Variants in SLC8A1 observed in about 807,000 individuals in gnomAD.
SLC8A1 encodes solute carrier family 8 member A1.
A neutral mutation model predicts 68.3 loss-of-function variants in SLC8A1; 18 were observed. The ratio of observed to expected loss-of-function variants is 0.26; its 90% CI spans 0.18 to 0.39. SLC8A1 has a LOEUF of 0.39. SLC8A1 is among the 10% of genes least tolerant of loss of function. The pLI is 1.00. For missense variants in SLC8A1, 985 were observed against 1,156.7 expected, an observed-to-expected ratio of 0.85 and a Z score of 2.15; for synonymous variants, 475 against 415.5, an observed-to-expected ratio of 1.14 and a Z score of -1.74.
At chr2:40,136,473 T>C (rs1306687101) in intron 7 of SLC8A1, among the ~76,000 whole-genome samples, 1 of 152,186 alleles carries the variant, frequency 6.6e-6, no homozygotes, top group Non-Finnish European at 1.5e-5. Context: ...AAGTTTTCAA[T>C]GTCCGTCTGG....
chr2:40,200,209 T>TATATATATATATTTATATATATATATAA (rs1558721710), intron 2 of SLC8A1, among the ~76,000 whole-genome samples: 3 of 6,580 alleles, frequency 4.6e-4, no homozygotes, highest in Non-Finnish European at 7.9e-4. Flanking sequence ...TATATATAAA[T>TATATATATATATTTATATATATATATAA]ATATATATAT....
At chr2:40,451,381 G>C (rs867539918) in intron 1 of SLC8A1, among the ~76,000 whole-genome samples, 1 of 152,110 alleles carries the variant, frequency 6.6e-6, no homozygotes, top group East Asian at 1.9e-4. Flanking sequence ...TCCGCAGTCC[G>C]TGGTGAATGA....
rs141248787 is a variant in SLC8A1 at position 40,341,977 on chromosome 2, A to G, written c.1808+86496T>C. Among the ~76,000 whole-genome samples the G allele has an allele frequency of 2.1e-3, 319 of 152,290 alleles. 1 individual carries two copies. The highest frequency in any genetic ancestry group is 7.1e-3 in the African/African-American group (296 of 41,578). On this transcript the variant is annotated intron_variant, in intron 2 of 7. Transcript: ENST00000406785. ...GAAAGTATTTAAAATCTTATTAAAA[A>G]GTAGGTAGCATGACCTTTCAGCATC...
At chr2:40,268,196 C>G (rs1441046044) in intron 2 of SLC8A1, among the ~76,000 whole-genome samples, 1 of 152,024 alleles carries the variant, frequency 6.6e-6, no homozygotes, top group African/African-American at 2.4e-5. Flanking sequence ...GTGTTTCTTT[C>G]CCCTCCAGTG....
intron 2 of SLC8A1, among the ~76,000 whole-genome samples, chr2:40,339,572 T>A (rs1315485076): frequency 1.3e-5 from 2 of 152,230 alleles, no homozygotes; most frequent in East Asian, 3.8e-4. Context: ...TAAATAAGTA[T>A]ATACATGTAT....
chr2:40,198,953 A>C (rs2053615781), intron 2 of SLC8A1, among the ~76,000 whole-genome samples: 2 of 151,460 alleles, frequency 1.3e-5, no homozygotes, highest in Admixed American at 1.3e-4. Flanking sequence ...AAAAAAAAGA[A>C]GTTGAACTAG....
chr2:40,190,317 T>C (rs1029525374), intron 2 of SLC8A1, among the ~76,000 whole-genome samples: 1 of 152,208 alleles, frequency 6.6e-6, no homozygotes, highest in African/African-American at 2.4e-5. Context: ...TGTTCACTTC[T>C]CATTATACAC....
intron 2 of SLC8A1, among the ~76,000 whole-genome samples, chr2:40,335,638 A>G (rs1478147805): frequency 2.0e-5 from 3 of 152,244 alleles, no homozygotes; most frequent in Non-Finnish European, 4.4e-5. Flanking sequence ...GACAGCCCTA[A>G]AAGAACAGAA....
Position 40,353,491 on chromosome 2 carries a change from C to T in SLC8A1, c.1808+74982G>A, listed in dbSNP as rs1481700459. Among the ~76,000 whole-genome samples the T allele has an allele frequency of 2.0e-5, 3 of 152,038 alleles. No individual in the cohort carries two copies. In the East Asian group the frequency reaches 5.8e-4, roughly 29 times the overall value. On this transcript the variant is annotated intron_variant, in intron 2 of 7. Coordinates refer to ENST00000406785, the Ensembl canonical transcript of SLC8A1. Reference sequence around the variant, plus strand: ...ATTAAGCAATTTCCACCTTAACCTCCCTCCTCTCATGCCTCATTACAACAT... The same window carrying T: ...ATTAAGCAATTTCCACCTTAACCTCTCTCCTCTCATGCCTCATTACAACAT...
At chr2:40,445,239 C>T (rs151051717) in intron 1 of SLC8A1, among the ~76,000 whole-genome samples, 41 of 152,232 alleles carry the variant, frequency 2.7e-4, no homozygotes, top group Admixed American at 4.6e-4. Context: ...TGAATTCAAA[C>T]GAATGTTATA....
chr2:40,174,401 T>C (rs2048097675), intron 4 of SLC8A1, among the ~76,000 whole-genome samples: 1 of 152,140 alleles, frequency 6.6e-6, no homozygotes, highest in Non-Finnish European at 1.5e-5. Flanking sequence ...AGGCTAGCAA[T>C]TGTGTCACCT....
intron 2 of SLC8A1, among the ~76,000 whole-genome samples, chr2:40,276,809 A>G (rs1051419125): frequency 3.9e-5 from 6 of 152,350 alleles, no homozygotes; most frequent in Admixed American, 6.5e-5. Context: ...TTAAAAATCT[A>G]TACTTGACAT....
intron 2 of SLC8A1, among the ~76,000 whole-genome samples, chr2:40,203,338 G>C (rs547426771): frequency 4.7e-4 from 71 of 152,110 alleles, no homozygotes; most frequent in African/African-American, 1.7e-3. Flanking sequence ...GGAGCAAACA[G>C]CTAAAGAACT....
At chr2:40,231,571 C>T (rs2059649843) in intron 2 of SLC8A1, among the ~76,000 whole-genome samples, 1 of 151,986 alleles carries the variant, frequency 6.6e-6, no homozygotes, top group African/African-American at 2.4e-5. Context: ...ATGGGTTTTC[C>T]ATCTATCATG....
chr2:40,182,099 C>G (rs1442169052), intron 2 of SLC8A1, among the ~76,000 whole-genome samples: 1 of 152,098 alleles, frequency 6.6e-6, no homozygotes, highest in Non-Finnish European at 1.5e-5. Context: ...TCCCTGAGAA[C>G]CTACATCCAT....
At chr2:40,459,449 G>A (rs1214682780) in intron 1 of SLC8A1, among the ~76,000 whole-genome samples, 1 of 151,976 alleles carries the variant, frequency 6.6e-6, no homozygotes, top group Admixed American at 6.6e-5. Flanking sequence ...CAAAGCCATC[G>A]GACTTTATCA....
At chr2:40,383,323 G>A (rs1682514460) in intron 2 of SLC8A1, among the ~76,000 whole-genome samples, 2 of 151,844 alleles carry the variant, frequency 1.3e-5, no homozygotes, top group African/African-American at 2.4e-5. Context: ...TTTGTCCTTA[G>A]TTGGACAACA....
chr2:40,194,469 ATGTGTG>A (rs543194094), intron 2 of SLC8A1, among the ~76,000 whole-genome samples: 90 of 137,428 alleles, frequency 6.5e-4, no homozygotes, highest in Non-Finnish European at 9.1e-4. Flanking sequence ...TCAGTAAGCA[ATGTGTG>A]TGTGTGTGTG....
intron 2 of SLC8A1, 114 bp downstream of exon 2, chr2:40,428,359 C>T (rs1450770727): frequency 2.9e-6 from 4 of 1,403,392 alleles, no homozygotes; most frequent in Non-Finnish European, 2.8e-6. Flanking sequence ...AAAGCTATTC[C>T]ATTCCTTGCA....
Sources: gnomAD v4.1 joint callset for allele counts (sites outside exome capture counted in the v4.1 genomes callset) on GRCh38, gnomAD v4.1.1 for gene constraint, MANE v1.5 for transcripts, NCBI Gene and HGNC (gene_info 2026-07-23, HGNC 2026-07-21) for gene names.